PDE1C: variants seen among roughly 807,000 people sequenced by gnomAD.
PDE1C encodes the protein phosphodiesterase 1C.
Under a neutral mutation model 93.1 loss-of-function variants are expected in PDE1C, and 62 were observed. The observed-to-expected ratio is 0.67, with a 90% CI of 0.54 to 0.82. PDE1C has a LOEUF of 0.82. Ranked by LOEUF, PDE1C falls within the 40% of genes least tolerant of loss-of-function variation. PDE1C has a pLI of 0.00. For missense variants in PDE1C, 742 were observed against 884.6 expected (o/e 0.84, Z 2.04); for synonymous variants, 325 against 310.1 (o/e 1.05, Z -0.50).
the PDE1C span, among the ~76,000 whole-genome samples, chr7:31,674,541 A>G: frequency 6.6e-6 from 1 of 152,204 alleles, no homozygotes; most frequent in Non-Finnish European, 1.5e-5. Context: ...AAAGATATAT[A>G]AATCCATGCA....
intron 1 of PDE1C, among the ~76,000 whole-genome samples, chr7:32,371,286 C>T (rs1224834743): frequency 1.3e-5 from 2 of 152,158 alleles, no homozygotes; most frequent in Non-Finnish European, 2.9e-5. Context: ...GGAAACCTCC[C>T]TAGACTCCCC....
At chr7:32,192,991 G>A (rs1398363666) in intron 2 of PDE1C, among the ~76,000 whole-genome samples, 1 of 152,058 alleles carries the variant, frequency 6.6e-6, no homozygotes, top group African/African-American at 2.4e-5. Flanking sequence ...GATTTTGTAT[G>A]TTTATCTTAT....
chr7:31,837,931 C>G lies in PDE1C; in HGVS notation c.1021G>C (p.Asp341His). ...TLVIEMVMAT[D>H]MSCHFQQIKA... Reference sequence around the variant, plus strand: ...ATTTGTTGGAAGTGACAAGACATATCTGTGGCCATCACCATTTCAATTACC... The same window carrying G: ...ATTTGTTGGAAGTGACAAGACATATGTGTGGCCATCACCATTTCAATTACC... The change falls in exon 10 of 18, where the codon GAT (aspartate) becomes CAT (histidine). Residue 341 changes from aspartate to histidine, a missense_variant. Asp to His is a moderately conservative substitution (Grantham distance 81). Around this residue, in one of 4 missense-constraint regions of PDE1C, gnomAD observed 454 missense variants for 459.4 expected, o/e 0.99. Coordinates refer to ENST00000396191, the MANE Select transcript of PDE1C (RefSeq NM_001191057.4). 1.9e-6 allele frequency: 3 copies of G among 1,613,726 alleles called. No individual in the cohort carries two copies. Among genetic ancestry groups the G allele is most frequent in the Middle Eastern group, 1.7e-4 (1 of 6,058 alleles).
chr7:32,062,267 G>A (rs547138544), intron 1 of PDE1C, among the ~76,000 whole-genome samples: 1 of 152,162 alleles, frequency 6.6e-6, no homozygotes, highest in Non-Finnish European at 1.5e-5. Context: ...TCCAAGTCCT[G>A]TTGGATCTAC....
intron 1 of PDE1C, among the ~76,000 whole-genome samples, chr7:32,341,096 G>A (rs928015150): frequency 1.3e-5 from 2 of 151,972 alleles, no homozygotes; most frequent in African/African-American, 4.8e-5. Context: ...ACAGATGTGG[G>A]AGGGGCAGGG....
chr7:31,857,258 T>C (rs764207027), intron 7 of PDE1C, among the ~76,000 whole-genome samples: 1 of 152,180 alleles, frequency 6.6e-6, no homozygotes, highest in Non-Finnish European at 1.5e-5. Context: ...ATATTACTTG[T>C]AATGGGAATC....
At chr7:31,741,980 A>G in the PDE1C span, among the ~76,000 whole-genome samples, 1 of 152,168 alleles carries the variant, frequency 6.6e-6, no homozygotes, top group African/African-American at 2.4e-5. Flanking sequence ...CTATCTGCCC[A>G]CTGGATGAGA....
chr7:32,301,020 G>T (rs372790456), upstream of PDE1C, among the ~76,000 whole-genome samples: 49 of 151,760 alleles, frequency 3.2e-4, 1 homozygote, highest in East Asian at 8.9e-3. Context: ...AAAAAAAATT[G>T]TAGAGGCAAG....
chr7:32,374,958 T>A (rs1168402752), intron 1 of PDE1C, among the ~76,000 whole-genome samples: 2 of 152,108 alleles, frequency 1.3e-5, no homozygotes, highest in African/African-American at 4.8e-5. Context: ...ACCACCGAGT[T>A]CCCAGGACGC....
chr7:32,219,291 G>T (rs1225417963), intron 1 of PDE1C, among the ~76,000 whole-genome samples: 1 of 152,168 alleles, frequency 6.6e-6, no homozygotes, highest in South Asian at 2.1e-4. Flanking sequence ...GAGGAAAGGG[G>T]TGTGGTGCAT....
rs145736530 is a variant in PDE1C, at chr7:32,315,214, A to G, written c.311-105675T>C. The stretch of plus-strand genomic sequence containing the variant: ...CAAGAACAGCCCAGTGAGTGACAGA[A>G]TAGCCAAGGACAAAAAGTTTAAATC... On this transcript the variant is annotated intron_variant, in intron 1 of 1. Coordinates refer to the PDE1C transcript ENST00000672256. Among the ~76,000 whole-genome samples the G allele has an allele frequency of 2.2e-3, 332 of 152,088 alleles. 2 individuals carry two copies. Among genetic ancestry groups the G allele is most frequent in the African/African-American group, 7.0e-3 (292 of 41,490 alleles).
intron 1 of PDE1C, among the ~76,000 whole-genome samples, chr7:32,228,240 C>G (rs189009838): frequency 1.3e-5 from 2 of 152,112 alleles, no homozygotes; most frequent in South Asian, 2.1e-4. Context: ...GAGACACATG[C>G]GTTGTGTTTC....
intron 16 of PDE1C, among the ~76,000 whole-genome samples, chr7:31,777,426 T>C (rs1783084792): frequency 1.3e-5 from 2 of 152,136 alleles, no homozygotes; most frequent in South Asian, 2.1e-4. Flanking sequence ...TCTCCCGGGT[T>C]CAAGCAATTC....
the PDE1C span, among the ~76,000 whole-genome samples, chr7:31,632,236 C>G: frequency 5.3e-5 from 8 of 152,240 alleles, no homozygotes; most frequent in African/African-American, 1.2e-4. Flanking sequence ...ATCATGAGGT[C>G]AGGCGATCAA....
chr7:32,306,185 G>A (rs984604629), intron 1 of PDE1C, among the ~76,000 whole-genome samples: 17 of 152,100 alleles, frequency 1.1e-4, no homozygotes, highest in Non-Finnish European at 1.9e-4. Context: ...ATGTGTGTCC[G>A]TTAAACCTCT....
At chr7:31,991,348 A>G (rs1784115109) in intron 2 of PDE1C, among the ~76,000 whole-genome samples, 1 of 152,164 alleles carries the variant, frequency 6.6e-6, no homozygotes. Flanking sequence ...ATTGGAAATG[A>G]GGTGGTAGGG....
chr7:32,118,712 T>C (rs1185617683), intron 3 of PDE1C, among the ~76,000 whole-genome samples: 1 of 152,166 alleles, frequency 6.6e-6, no homozygotes, highest in African/African-American at 2.4e-5. Context: ...AAAACCAGCC[T>C]ACTCCCAAGA....
intron 1 of PDE1C, among the ~76,000 whole-genome samples, chr7:32,408,944 T>A (rs913754380): frequency 1.3e-5 from 2 of 152,220 alleles, no homozygotes; most frequent in Non-Finnish European, 2.9e-5. Context: ...TGGTCCAGTT[T>A]CTGGAGAAGA....
At chr7:31,628,461 CTTTT>C in the PDE1C span, among the ~76,000 whole-genome samples, 1 of 140,434 alleles carries the variant, frequency 7.1e-6, no homozygotes, top group Non-Finnish European at 1.5e-5. Flanking sequence ...TTTTTTTTTT[CTTTT>C]TTTTTCTTTT....
Sources: gnomAD v4.1 joint callset for allele counts (sites outside exome capture counted in the v4.1 genomes callset) on GRCh38, gnomAD v4.1.1 for gene constraint, gnomAD v4.1.1 regional missense constraint, MANE v1.5 for transcripts, NCBI Gene and HGNC (gene_info 2026-07-23, HGNC 2026-07-21) for gene names.